Variants in SORCS3 observed in about 807,000 individuals in gnomAD.
SORCS3 encodes sortilin related VPS10 domain containing receptor 3.
In SORCS3, 57 loss-of-function variants were observed where a neutral mutation model predicts 146.3. The observed-to-expected ratio is 0.39, with a 90% confidence interval of 0.31 to 0.49. The LOEUF (loss-of-function observed/expected upper bound fraction) is 0.49. SORCS3 is among the 20% of genes least tolerant of loss of function. The probability of loss-of-function intolerance (pLI) is 0.92; values close to 1 mark genes in which losing one functional copy is unlikely to be tolerated. For missense variants in SORCS3, 1,341 were observed against 1,575.5 expected (o/e 0.85, Z 2.52); for synonymous variants, 653 against 618.5 (o/e 1.06, Z -0.83).
intron 1 of SORCS3, among the ~76,000 whole-genome samples, chr10:104,824,842 A>T (rs943287261): frequency 1.3e-5 from 2 of 152,172 alleles, no homozygotes; most frequent in African/African-American, 4.8e-5. Flanking sequence ...CCCAAGAGGG[A>T]GCACTGCCCC....
At chr10:105,089,708 T>C (rs2055688110) in intron 5 of SORCS3, 67 bp from the exon 6 acceptor site, 1 of 1,275,010 alleles carries the variant, frequency 7.8e-7, no homozygotes, top group East Asian at 2.3e-5. Context: ...TGGCCCTGAG[T>C]GCATCCCACT....
chr10:105,075,248 G>T (rs1357712157), intron 5 of SORCS3, among the ~76,000 whole-genome samples: 1 of 152,196 alleles, frequency 6.6e-6, no homozygotes, highest in African/African-American at 2.4e-5. Flanking sequence ...AGAGCCCAGG[G>T]TGAGTCTCAG....
chr10:105,160,179 T>G lies in SORCS3; in HGVS notation c.1732+1185T>G, dbSNP rs555767604. On this transcript the variant is annotated intron_variant, in intron 11 of 26. Transcript: ENST00000369701. ...TACATCAAAAAGTAGGGATGAATGA[T>G]AAAAGTTAATATTATCTGAATATTT... Among the ~76,000 whole-genome samples the G allele has an allele frequency of 6.6e-5, 10 of 152,290 alleles. No individual in the cohort carries two copies. In the East Asian group the frequency reaches 1.9e-3, roughly 29 times the overall value.
intron 1 of SORCS3, among the ~76,000 whole-genome samples, chr10:104,727,861 T>A (rs1054856724): frequency 4.6e-5 from 7 of 152,116 alleles, no homozygotes; most frequent in Non-Finnish European, 7.4e-5. Flanking sequence ...CTAGGTTGCA[T>A]CCTTCTTATG....
At chr10:104,997,607 G>A (rs1280483731) in intron 4 of SORCS3, among the ~76,000 whole-genome samples, 1 of 152,154 alleles carries the variant, frequency 6.6e-6, no homozygotes, top group Non-Finnish European at 1.5e-5. Flanking sequence ...ATGCATATAT[G>A]TGCTTTTTGT....
Position 104,842,819 on chromosome 10 carries a change from G to A in SORCS3, c.655G>A (p.Asp219Asn), listed in dbSNP as rs2018157852. Residue 219 changes from aspartate to asparagine, a missense_variant, in exon 2 of 27, where the codon GAC (aspartate) becomes AAC (asparagine). Asp to Asn is a conservative substitution (Grantham distance 23). Coordinates refer to ENST00000369701, the MANE Select transcript of SORCS3 (RefSeq NM_014978.3). ...SVILILTKLY[D>N]FNLGSVTESS... ...CATACTTATCCTGACGAAGCTGTAT[G>A]ACTTCAACCTGGGCAGCGTGACTGA... 1 of 1,613,944 alleles carries A rather than the reference G, an allele frequency of 6.2e-7. No individual in the cohort carries two copies. Among genetic ancestry groups the A allele is most frequent in the Non-Finnish European group, 8.5e-7 (1 of 1,179,902 alleles).
At chr10:104,736,762 A>C (rs951337812) in intron 1 of SORCS3, among the ~76,000 whole-genome samples, 21 of 120,366 alleles carry the variant, frequency 1.7e-4, no homozygotes, top group African/African-American at 7.0e-4. Context: ...TTTTCTTTCA[A>C]AGGCATGTTT....
intron 5 of SORCS3, among the ~76,000 whole-genome samples, chr10:105,069,737 A>G (rs2055545318): frequency 6.6e-6 from 1 of 152,104 alleles, no homozygotes; most frequent in African/African-American, 2.4e-5. Flanking sequence ...GAGCCTTTGA[A>G]ATGTCGTCCC....
intron 17 of SORCS3, among the ~76,000 whole-genome samples, chr10:105,213,534 G>A (rs371891134): frequency 5.9e-5 from 9 of 152,108 alleles, no homozygotes; most frequent in Admixed American, 5.9e-4. Flanking sequence ...CTTTCATGTG[G>A]TTTTTTACCA....
At chr10:104,974,238 C>T (rs553655394) in intron 3 of SORCS3, among the ~76,000 whole-genome samples, 1 of 152,130 alleles carries the variant, frequency 6.6e-6, no homozygotes, top group East Asian at 1.9e-4. Context: ...GAGTTCAATT[C>T]CTGGGTATAC....
At chr10:104,955,322 G>GT (rs1274070232) in intron 3 of SORCS3, among the ~76,000 whole-genome samples, 1 of 150,410 alleles carries the variant, frequency 6.6e-6, no homozygotes, top group Admixed American at 6.6e-5. Context: ...TGTTTTCGAA[G>GT]TTTTTTTCAT....
chr10:104,688,056 T>C lies in SORCS3; in HGVS notation c.627+46102T>C, dbSNP rs61130176. On this transcript the variant is annotated intron_variant, in intron 1 of 26. Coordinates refer to ENST00000369701, the MANE Select transcript of SORCS3 (RefSeq NM_014978.3). Reference sequence around the variant, plus strand: ...TAAATCATAGCATTGTCAGATTTAGTAAATGAAAATACAAATACATTTATG... The same window carrying C: ...TAAATCATAGCATTGTCAGATTTAGCAAATGAAAATACAAATACATTTATG... Among the ~76,000 whole-genome samples the C allele has an allele frequency of 6.6e-3, 1,009 of 152,368 alleles. 15 individuals carry two copies. Among genetic ancestry groups the C allele is most frequent in the African/African-American group, 0.023 (936 of 41,590 alleles).
chr10:105,261,981 T>C (rs1332885270), intron 25 of SORCS3, among the ~76,000 whole-genome samples: 1 of 152,246 alleles, frequency 6.6e-6, no homozygotes, highest in Non-Finnish European at 1.5e-5. Flanking sequence ...CTGTACACAC[T>C]TAGAGTTTCA....
intron 1 of SORCS3, among the ~76,000 whole-genome samples, chr10:104,701,311 C>A (rs151281561): frequency 6.6e-6 from 1 of 152,302 alleles, no homozygotes; most frequent in Admixed American, 6.5e-5. Context: ...TTGGCTGATA[C>A]AGGAAGTAGT....
intron 7 of SORCS3, among the ~76,000 whole-genome samples, chr10:105,121,919 T>C (rs2055936709): frequency 6.6e-6 from 1 of 152,158 alleles, no homozygotes; most frequent in Non-Finnish European, 1.5e-5. Context: ...CCATGCATTA[T>C]GCATTTGGAG....
chr10:104,656,294 G>A (rs1187461564), intron 1 of SORCS3, among the ~76,000 whole-genome samples: 1 of 152,112 alleles, frequency 6.6e-6, no homozygotes, highest in African/African-American at 2.4e-5. Context: ...GGGGGATGGT[G>A]AGAGATGAGA....
intron 2 of SORCS3, among the ~76,000 whole-genome samples, chr10:104,878,705 T>C (rs2018600929): frequency 6.6e-6 from 1 of 152,060 alleles, no homozygotes; most frequent in Admixed American, 6.6e-5. Flanking sequence ...CATGAAAAAA[T>C]AATATGTGGT....
chr10:104,854,036 C>T (rs1259679974), intron 2 of SORCS3, among the ~76,000 whole-genome samples: 1 of 152,092 alleles, frequency 6.6e-6, no homozygotes, highest in Non-Finnish European at 1.5e-5. Context: ...TGCCAAAATC[C>T]ATTCTTGTCT....
At chr10:105,028,906 G>A (rs74155095) in intron 4 of SORCS3, among the ~76,000 whole-genome samples, 2,221 of 152,268 alleles carry the variant, frequency 0.015, 50 homozygotes, top group African/African-American at 0.05. Context: ...CCTAAGAGCA[G>A]GGGTCAGCAA....
Sources: allele counts gnomAD v4.1 joint callset (sites outside exome capture counted in the v4.1 genomes callset), GRCh38; gene constraint gnomAD v4.1.1; transcripts MANE v1.5; gene names NCBI Gene and HGNC (gene_info 2026-07-23, HGNC 2026-07-21).